The following FAT3 variants were observed in gnomAD, a reference collection of about 807,000 sequenced individuals.
The protein encoded by FAT3 is protocadherin Fat 3.
In FAT3, 95 loss-of-function variants were observed where a neutral mutation model predicts 310.2. That is an observed-to-expected ratio of 0.31 (90% CI 0.26 to 0.36). The LOEUF is 0.36. Ranked by LOEUF, FAT3 falls within the 10% of genes least tolerant of loss-of-function variation. The pLI, the probability that FAT3 is intolerant of heterozygous loss-of-function variation, is 1.00. For missense variants in FAT3, 5,408 were observed against 5,715.6 expected (o/e 0.95, Z 1.74); for synonymous variants, 2,314 against 2,192.9 (o/e 1.06, Z -1.54).
At chr11:92,319,281 T>C (rs1947546594) in intron 1 of FAT3, among the ~76,000 whole-genome samples, 1 of 152,196 alleles carries the variant, frequency 6.6e-6, no homozygotes, top group South Asian at 2.1e-4. Flanking sequence ...ATATAATTGG[T>C]TGATACTCTT....
intron 1 of FAT3, among the ~76,000 whole-genome samples, chr11:92,306,462 T>TTA (rs1029680997): frequency 1.4e-5 from 2 of 138,042 alleles, no homozygotes; most frequent in African/African-American, 5.4e-5. Flanking sequence ...GCTCTCCACT[T>TTA]TATATATATA....
At position 92,838,103 on chromosome 11, in the gene FAT3, A is replaced by G. The variant is rs112426769; in HGVS notation, c.10368+297A>G. Among the ~76,000 whole-genome samples the G allele has an allele frequency of 5.2e-3, 785 of 152,300 alleles. 7 individuals are homozygous for G. The highest frequency in any genetic ancestry group is 0.018 in the African/African-American group (747 of 41,574). ...TCCCCACTTTATAATGGAAAGAGCTAAGGATCTGTGAGGTTAAGTAATTCA... is the reference window on the plus strand; with the variant it reads ...TCCCCACTTTATAATGGAAAGAGCTGAGGATCTGTGAGGTTAAGTAATTCA... On this transcript the variant is annotated intron_variant, in intron 17 of 27. Coordinates refer to ENST00000525166, the MANE Select transcript of FAT3 (RefSeq NM_001367949.2).
At chr11:92,341,174 G>T (rs778949765) in intron 1 of FAT3, among the ~76,000 whole-genome samples, 14 of 152,148 alleles carry the variant, frequency 9.2e-5, no homozygotes, top group African/African-American at 1.7e-4. Flanking sequence ...TCTTTAAGGC[G>T]TGTCTACAAA....
chr11:92,518,688 ATAAG>A (rs144837167), intron 2 of FAT3, among the ~76,000 whole-genome samples: 2,064 of 152,208 alleles, frequency 0.014, 54 homozygotes, highest in African/African-American at 0.048. Context: ...GTTAGAACTA[ATAAG>A]TAAGTTTAAC....
chr11:92,248,528 C>G (rs1865016979), intron 1 of FAT3, among the ~76,000 whole-genome samples: 1 of 152,122 alleles, frequency 6.6e-6, no homozygotes, highest in Non-Finnish European at 1.5e-5. Flanking sequence ...TTGACTAAAT[C>G]TGTGCAGAAA....
Position 92,798,569 on chromosome 11 carries a change from TGTGAGAGACA to T in FAT3, c.5560_5569del (p.Arg1854ValfsTer5). On this transcript the variant is annotated frameshift_variant, in exon 10 of 28. Transcript: ENST00000525166. LOFTEE classifies it high-confidence loss of function. ...TTGCCCATTTCCATTTTCATGTGCA[TGTGAGAGACA>T]GTGGTAGCCCCCAACTGACTGCAGA... 1 of 1,613,742 alleles carries T rather than the reference TGTGAGAGACA, an allele frequency of 6.2e-7. No homozygotes were observed. Among genetic ancestry groups the T allele is most frequent in the Non-Finnish European group, 8.5e-7 (1 of 1,179,754 alleles).
intron 7 of FAT3, among the ~76,000 whole-genome samples, chr11:92,782,555 C>T (rs1171015933): frequency 6.6e-6 from 1 of 151,994 alleles, no homozygotes; most frequent in Non-Finnish European, 1.5e-5. Context: ...GACCCTGTCT[C>T]AAAAAGTAAT....
chr11:92,444,663 G>T (rs568924971), intron 2 of FAT3, among the ~76,000 whole-genome samples: 1 of 138,446 alleles, frequency 7.2e-6, no homozygotes, highest in Non-Finnish European at 1.5e-5. Flanking sequence ...TATTACTGGG[G>T]GGGGGGGAAA....
chr11:92,378,167 C>G (rs1320273679), intron 2 of FAT3, among the ~76,000 whole-genome samples: 1 of 152,290 alleles, frequency 6.6e-6, no homozygotes, highest in East Asian at 1.9e-4. Flanking sequence ...TTTATGGCTT[C>G]TTACTGCTAC....
At chr11:92,478,477 G>C (rs368766112) in intron 2 of FAT3, among the ~76,000 whole-genome samples, 4 of 152,130 alleles carry the variant, frequency 2.6e-5, no homozygotes, top group African/African-American at 9.7e-5. Context: ...CTTCCAACGA[G>C]TTCCTCACTC....
At chr11:92,682,947 G>A (rs1943525872) in intron 3 of FAT3, among the ~76,000 whole-genome samples, 1 of 151,982 alleles carries the variant, frequency 6.6e-6, no homozygotes, top group Non-Finnish European at 1.5e-5. Flanking sequence ...GCATGGTGGT[G>A]CATGCCTCTC....
At chr11:92,485,357 C>A (rs1591354362) in intron 2 of FAT3, among the ~76,000 whole-genome samples, 2 of 152,176 alleles carry the variant, frequency 1.3e-5, no homozygotes, top group Non-Finnish European at 2.9e-5. Flanking sequence ...TTTTAAAAGA[C>A]CTTAGGGAGA....
intron 1 of FAT3, among the ~76,000 whole-genome samples, chr11:92,276,320 A>G (rs1946269838): frequency 6.6e-6 from 1 of 152,160 alleles, no homozygotes; most frequent in Admixed American, 6.6e-5. Flanking sequence ...AGAATTTTAC[A>G]TATTTAGGAC....
chr11:92,226,896 C>T (rs1404821053), intron 1 of FAT3, among the ~76,000 whole-genome samples: 1 of 152,160 alleles, frequency 6.6e-6, no homozygotes, highest in East Asian at 1.9e-4. Context: ...TCCCCCCTCT[C>T]CCCTCCTCCC....
chr11:92,497,147 C>A (rs1036407291), intron 2 of FAT3, among the ~76,000 whole-genome samples: 8 of 152,016 alleles, frequency 5.3e-5, no homozygotes. Flanking sequence ...GACGCCTGGG[C>A]TTCCCCTTCC....
intron 2 of FAT3, among the ~76,000 whole-genome samples, chr11:92,370,345 G>C (rs1949149614): frequency 6.6e-6 from 1 of 152,134 alleles, no homozygotes; most frequent in Non-Finnish European, 1.5e-5. Flanking sequence ...GGCTTTGAAA[G>C]GAAATTCTTT....
chr11:92,296,437 G>T (rs181490862), intron 1 of FAT3, among the ~76,000 whole-genome samples: 292 of 152,184 alleles, frequency 1.9e-3, no homozygotes, highest in Non-Finnish European at 3.1e-3. Flanking sequence ...ATTATACTAG[G>T]TATAAAGGGA....
At chr11:92,538,458 T>G (rs529175172) in intron 3 of FAT3, among the ~76,000 whole-genome samples, 13 of 152,308 alleles carry the variant, frequency 8.5e-5, no homozygotes, top group African/African-American at 3.1e-4. Flanking sequence ...GGCTACTGTA[T>G]TTTATAAAGC....
At chr11:92,476,444 G>A (rs938886608) in intron 2 of FAT3, among the ~76,000 whole-genome samples, 2 of 152,150 alleles carry the variant, frequency 1.3e-5, no homozygotes, top group African/African-American at 4.8e-5. Flanking sequence ...CAGAAAGAGA[G>A]TTTAGAATTT....
Sources: gnomAD v4.1 joint callset for allele counts (sites outside exome capture counted in the v4.1 genomes callset) on GRCh38, gnomAD v4.1.1 for gene constraint, MANE v1.5 for transcripts, NCBI Gene and HGNC (gene_info 2026-07-23, HGNC 2026-07-21) for gene names.